Variants in AP5M1 observed in about 807,000 individuals in gnomAD.
AP5M1 encodes adaptor related protein complex 5 subunit mu 1, also known as AP-5 complex subunit mu-1.
AP5M1 carries 44 observed loss-of-function variants against 52.3 expected under a neutral mutation model. That is an observed-to-expected ratio of 0.84 (90% CI 0.66 to 1.08). The LOEUF (loss-of-function observed/expected upper bound fraction) is 1.08. AP5M1 is among the 50% of genes least tolerant of loss of function. The probability of loss-of-function intolerance (pLI) is 0.00; values close to 1 mark genes in which losing one functional copy is unlikely to be tolerated. For missense variants in AP5M1, 526 were observed against 568.4 expected, an observed-to-expected ratio of 0.93 and a Z score of 0.76; for synonymous variants, 213 against 199.0, an observed-to-expected ratio of 1.07 and a Z score of -0.59.
chr14:57,286,259 T>G lies in AP5M1; in HGVS notation c.1330T>G (p.Cys444Gly), dbSNP rs768475971. The G allele has an allele frequency of 1.9e-5, 30 of 1,612,918 alleles. No individual in the cohort carries two copies. The East Asian group carries it at 6.5e-4, about 35-fold the overall frequency. The change falls in exon 7 of 8, where the codon TGT becomes GGT. Residue 444 changes from cysteine (C) to glycine (G), a missense_variant. Around this residue, in one of 3 missense-constraint regions of AP5M1, gnomAD observed 97 missense variants for 121.3 expected, o/e 0.80. Transcript: ENST00000261558. ...FRILDYTLTG[C>G]YADQHSVQVF... ...GATCTTAGATTACACACTTACTGGA[T>G]GTTATGCAGATCAGCATTCAGTTCA...
intron 1 of AP5M1, among the ~76,000 whole-genome samples, chr14:57,272,121 GTTCAGGAT>G (rs1884908832): frequency 6.6e-6 from 1 of 152,108 alleles, no homozygotes. Context: ...TTTTCACTGT[GTTCAGGAT>G]ATTATTTCAG....
chr14:57,280,070 CAA>C, intron 2 of AP5M1, 123 bp from the exon 3 acceptor site: 1 of 739,258 alleles, frequency 1.4e-6, no homozygotes, highest in Non-Finnish European at 2.3e-6. Flanking sequence ...ACACAGAAAG[CAA>C]AGAGAACAAT....
rs1413709302 is a variant in AP5M1, at chr14:57,296,752, G to T, written c.*7868G>T. 1.3e-5 allele frequency: 2 copies of T among 152,030 alleles called. No individual in the cohort carries two copies. The highest frequency in any genetic ancestry group is 2.9e-5 in the Non-Finnish European group (2 of 67,988). The allele number at this position is 152,030 out of a possible 1,614,324, so 9.4% of individuals were successfully genotyped here. ...ATGGCTTGGAATTTAGAACTGCTGA[G>T]CAATATGGTTGAGAGGGAGACCTTA... On this transcript the variant is annotated 3_prime_UTR_variant, in exon 8 of 8. Coordinates refer to ENST00000261558, the MANE Select transcript of AP5M1 (RefSeq NM_018229.4).
In AP5M1 at chr14:57,288,977, T is replaced by G. The variant is rs1263564661; in HGVS notation, c.*93T>G. 15 of 711,380 alleles carry G rather than the reference T, an allele frequency of 2.1e-5. No homozygotes were observed. Among genetic ancestry groups the G allele is most frequent in the African/African-American group, 3.8e-5 (2 of 52,984 alleles). 44.1% of individuals were successfully genotyped at this position (711,380 alleles called of 1,614,324 possible). A position where few individuals can be genotyped will look rare whatever the true frequency, so the allele number is the denominator to read the frequency against. ...AATGTGGATGCATATAACCTGTGAG[T>G]GAAAAATCACTGAATGATTTAATTG... On this transcript the variant is annotated 3_prime_UTR_variant, in exon 8 of 8. Coordinates refer to ENST00000261558, the MANE Select transcript of AP5M1 (RefSeq NM_018229.4).
intron 1 of AP5M1, among the ~76,000 whole-genome samples, chr14:57,272,037 C>T (rs1305920385): frequency 6.6e-6 from 1 of 152,152 alleles, no homozygotes; most frequent in Non-Finnish European, 1.5e-5. Flanking sequence ...TGTAGCTTAT[C>T]TTAATATTTC....
intron 3 of AP5M1, among the ~76,000 whole-genome samples, chr14:57,280,980 A>G (rs1192895152): frequency 6.6e-6 from 1 of 152,228 alleles, no homozygotes; most frequent in East Asian, 1.9e-4. Context: ...GTTCATGGTC[A>G]TGGGATAGAT....
rs1197268057 is a variant in AP5M1 at position 57,288,824 on chromosome 14, T to G, written c.1413T>G (p.Asp471Glu). Residue 471 changes from aspartate (D) to glutamate (E), a missense_variant, in exon 8 of 8, where the codon GAT (aspartate) becomes GAG (glutamate). Asp to Glu is a conservative substitution (Grantham distance 45). Transcript: ENST00000261558. ...TAGACCGGAAACTAATTTCTTCTGA[T>G]TATTACATCTGGAATTCTAAAGCCC... is the stretch of plus-strand genomic sequence containing the variant. ...ISAHRKLISSDYYIWNSKAPA... is the reference protein window; with the variant it reads ...ISAHRKLISSEYYIWNSKAPA... 6 of 1,589,044 alleles carry G rather than the reference T, an allele frequency of 3.8e-6. No individual in the cohort carries two copies. Among genetic ancestry groups the G allele is most frequent in the Non-Finnish European group, 5.2e-6 (6 of 1,160,220 alleles).
At position 57,293,473 on chromosome 14, in the gene AP5M1, A is replaced by G. The variant is rs1259421953; in HGVS notation, c.*4589A>G. The stretch of plus-strand genomic sequence containing the variant: ...GCATACCTAACTTACGTTTGTGCCA[A>G]GCCAGCCTCCTCTAGTTTCAATTTA... On this transcript the variant is annotated 3_prime_UTR_variant, in exon 8 of 8. Coordinates refer to ENST00000261558, the MANE Select transcript of AP5M1 (RefSeq NM_018229.4). 6.6e-6 allele frequency: 1 copy of G among 151,728 alleles called. No individual in the cohort carries two copies. The highest frequency in any genetic ancestry group is 6.6e-5 in the Admixed American group (1 of 15,186). The allele number at this position is 151,728 out of a possible 1,614,324, so 9.4% of individuals were successfully genotyped here.
chr14:57,283,815 GC>G (rs1885242867), intron 6 of AP5M1, among the ~76,000 whole-genome samples: 1 of 152,034 alleles, frequency 6.6e-6, no homozygotes, highest in African/African-American at 2.4e-5. Context: ...GTGAGACCCC[GC>G]CTCTACAAAA....
At chr14:57,269,482 A>G in intron 1 of AP5M1, 94 bp downstream of exon 1, 1 of 1,266,484 alleles carries the variant, frequency 7.9e-7, no homozygotes, top group Non-Finnish European at 1.1e-6. Flanking sequence ...TTTGCCACGA[A>G]TAGCTGCGTG....
At chr14:57,279,699 TA>T (rs1371944583) in intron 2 of AP5M1, among the ~76,000 whole-genome samples, 3 of 151,682 alleles carry the variant, frequency 2.0e-5, no homozygotes, top group African/African-American at 7.3e-5. Flanking sequence ...TGAAGGAAAA[TA>T]AAAAGGAGGT....
rs1566511506 is a variant in AP5M1 at position 57,269,249 on chromosome 14, C to T, written c.-66C>T. The T allele has an allele frequency of 1.4e-6, 2 of 1,467,854 alleles. No homozygotes were observed. 90.9% of individuals were successfully genotyped at this position (1,467,854 alleles called of 1,614,324 possible). On this transcript the variant is annotated 5_prime_UTR_variant, in exon 1 of 8. Transcript: ENST00000261558. ...CTGTTAAGAGTCTGTCTGAGAAAGCCGGTCTGCGCTGTTCCTCGGTGGCGA... is the reference window on the plus strand; with the variant it reads ...CTGTTAAGAGTCTGTCTGAGAAAGCTGGTCTGCGCTGTTCCTCGGTGGCGA...
chr14:57,283,285 G>T, intron 6 of AP5M1, 55 bp downstream of exon 6: 1 of 1,026,410 alleles, frequency 9.7e-7, no homozygotes, highest in Non-Finnish European at 1.5e-6. Context: ...TTTATAAATT[G>T]CATATTTCTA....
Position 57,290,448 on chromosome 14 carries a change from C to G in AP5M1, c.*1564C>G, listed in dbSNP as rs1458716883. The stretch of plus-strand genomic sequence containing the variant: ...CTTAAACTCAAAGCTTAACATTTCA[C>G]TTATGTTGATAAGTTAATGGTAATG... On this transcript the variant is annotated 3_prime_UTR_variant, in exon 8 of 8. Transcript: ENST00000261558. 6.6e-6 allele frequency: 1 copy of G among 151,886 alleles called. No homozygotes were observed. Among genetic ancestry groups the G allele is most frequent in the African/African-American group, 2.4e-5 (1 of 41,384 alleles). 9.4% of individuals were successfully genotyped at this position (151,886 alleles called of 1,614,324 possible).
At chr14:57,277,048 A>T (rs1235983238) in intron 2 of AP5M1, among the ~76,000 whole-genome samples, 4 of 152,032 alleles carry the variant, frequency 2.6e-5, no homozygotes, top group Non-Finnish European at 5.9e-5. Context: ...ACCTCACTCT[A>T]CCACTAATTT....
At position 57,280,384 on chromosome 14, in the gene AP5M1, C is replaced by A. The variant is rs1338304837; in HGVS notation, c.910C>A (p.Pro304Thr). 1.9e-6 allele frequency: 3 copies of A among 1,613,620 alleles called. No individual in the cohort carries two copies. Among genetic ancestry groups the A allele is most frequent in the Non-Finnish European group, 2.5e-6 (3 of 1,179,538 alleles). The change falls in exon 3 of 8, where the codon CCT (proline) becomes ACT (threonine). Residue 304 changes from proline (P) to threonine (T), a missense_variant. By Grantham distance (38) the Pro-to-Thr change is conservative. Around this residue, in one of 3 missense-constraint regions of AP5M1, gnomAD observed 425 missense variants for 430.6 expected, o/e 0.99. Transcript: ENST00000261558. The part of the protein sequence containing the change: ...SGPYKFPFTP[P>T]LESFNLCFYT... ...GCCTTACAAATTTCCATTCACTCCA[C>A]CTTTAGAGTCATTCAACTTATGCTT...
At position 57,274,311 on chromosome 14, in the gene AP5M1, G is replaced by A. The variant is rs765398350; in HGVS notation, c.142G>A (p.Asp48Asn). The change falls in exon 2 of 8, where the codon GAT (aspartate) becomes AAT (asparagine). Residue 48 changes from aspartate (D) to asparagine (N), a missense_variant. This residue lies in a region of AP5M1 where 425 missense variants were observed against 430.6 expected (regional missense o/e 0.99). Transcript: ENST00000261558. ...AGCAAGTTATGTGCCTGTTCCTGAA[G>A]ATGGTCCCTTTCTTAAAGCACTGCT... is the stretch of plus-strand genomic sequence containing the variant. ...NGASYVPVPEDGPFLKALLFE... is the reference protein window; with the variant it reads ...NGASYVPVPENGPFLKALLFE... 19 of 1,614,058 alleles carry A rather than the reference G, an allele frequency of 1.2e-5. No homozygotes were observed. In the Admixed American group the frequency reaches 3.2e-4, roughly 27 times the overall value.
At chr14:57,280,931 A>G (rs770738545) in intron 3 of AP5M1, among the ~76,000 whole-genome samples, 3 of 152,136 alleles carry the variant, frequency 2.0e-5, no homozygotes, top group Non-Finnish European at 2.9e-5. Flanking sequence ...ATAGCTTTCA[A>G]AATAATTGAA....
At chr14:57,288,674 A>ATC (rs1297472368) in intron 7 of AP5M1, 128 bp from the exon 8 acceptor site, 7 of 606,920 alleles carry the variant, frequency 1.2e-5, no homozygotes. Flanking sequence ...ATAATATGAA[A>ATC]TTAAAATGAA....
Sources: gnomAD v4.1 joint callset for allele counts (sites outside exome capture counted in the v4.1 genomes callset) on GRCh38, gnomAD v4.1.1 for gene constraint, gnomAD v4.1.1 regional missense constraint, MANE v1.5 for transcripts, NCBI Gene and HGNC (gene_info 2026-07-23, HGNC 2026-07-21) for gene names.